IKZF2: variants seen among roughly 807,000 people sequenced by gnomAD.
IKZF2 encodes the protein zinc finger protein Helios.
A neutral mutation model predicts 49.2 loss-of-function variants in IKZF2; 15 were observed. The observed-to-expected ratio is 0.30, with a 90% CI of 0.20 to 0.47. The LOEUF (loss-of-function observed/expected upper bound fraction) is 0.47, where lower values mean the gene tolerates loss of function less well. Ranked by LOEUF, IKZF2 falls within the 20% of genes least tolerant of loss-of-function variation. The pLI, the probability that IKZF2 is intolerant of heterozygous loss-of-function variation, is 1.00. For synonymous variants in IKZF2, 227 were observed against 221.4 expected (o/e 1.03, Z -0.23); for missense variants, 567 against 664.6 (o/e 0.85, Z 1.61).
intron 4 of IKZF2, among the ~76,000 whole-genome samples, chr2:213,106,344 GA>G (rs550245534): frequency 5.8e-4 from 84 of 144,224 alleles, no homozygotes; most frequent in African/African-American, 3.3e-4. Flanking sequence ...CTACTCTTAC[GA>G]AAAAAAAAAA....
intron 6 of IKZF2, among the ~76,000 whole-genome samples, chr2:213,031,919 C>T (rs1365109908): frequency 2.6e-5 from 4 of 152,022 alleles, no homozygotes; most frequent in Non-Finnish European, 5.9e-5. Flanking sequence ...TATTCAAAAA[C>T]CATTTAACCC....
intron 4 of IKZF2, among the ~76,000 whole-genome samples, chr2:213,078,264 T>C (rs1296315044): frequency 1.3e-5 from 2 of 152,246 alleles, no homozygotes; most frequent in Non-Finnish European, 2.9e-5. Context: ...GTTAAAAATG[T>C]ACTTTCTATT....
intron 4 of IKZF2, among the ~76,000 whole-genome samples, chr2:213,098,661 C>G (rs1706291185): frequency 1.3e-5 from 2 of 152,110 alleles, no homozygotes; most frequent in Non-Finnish European, 2.9e-5. Flanking sequence ...AATGAACAGA[C>G]AGCAGGAAAA....
intron 6 of IKZF2, among the ~76,000 whole-genome samples, chr2:213,041,332 C>CT (rs1277955556): frequency 1.7e-5 from 2 of 119,522 alleles, no homozygotes; most frequent in Non-Finnish European, 3.8e-5. Context: ...TGACTGTAAT[C>CT]TTTTTTTGGG....
intron 7 of IKZF2, 82 bp from the exon 8 acceptor site, chr2:213,014,016 A>G: frequency 7.5e-7 from 1 of 1,327,608 alleles, no homozygotes. Context: ...CCATCTCGAT[A>G]TGTGTTATAA....
intron 5 of IKZF2, among the ~76,000 whole-genome samples, chr2:213,053,981 G>A (rs1299612098): frequency 6.6e-6 from 1 of 152,252 alleles, no homozygotes. Flanking sequence ...GGCTGGGCAC[G>A]GTGGCTCACG....
At chr2:213,077,580 C>CTTTTTTTTTTTT (rs58528665) in intron 4 of IKZF2, among the ~76,000 whole-genome samples, 7 of 59,472 alleles carry the variant, frequency 1.2e-4, no homozygotes, top group Non-Finnish European at 1.5e-4. Context: ...ATTCTATGTA[C>CTTTTTTTTTTTT]TTTTTTTTTT....
rs73079203 is a variant in IKZF2 at position 213,133,940 on chromosome 2, C to A, written c.139+13768G>T. Among the ~76,000 whole-genome samples, 20 of 151,832 alleles carry A rather than the reference C, an allele frequency of 1.3e-4. No homozygotes were observed. The South Asian group carries it at 2.1e-3, about 16-fold the overall frequency. On this transcript the variant is annotated intron_variant, in intron 4 of 8. Coordinates refer to ENST00000434687, the MANE Select transcript of IKZF2 (RefSeq NM_001387220.1). ...TTTTTTAAGCAAGTTAAACATATAC[C>A]CTGATCTTTTTATTATTGTTATTTA...
rs755084573 is a variant in IKZF2 at position 213,103,075 on chromosome 2, G to A, written c.139+44633C>T. 6.6e-5 allele frequency among the ~76,000 whole-genome samples: 10 copies of A among 152,122 alleles called. No homozygotes were observed. The South Asian group carries it at 1.2e-3, about 19-fold the overall frequency. Reference sequence around the variant, plus strand: ...ACGTTACTCACATGTTCTAAATACCGTAGAGGGGGCTTAAATATACAACTA... The same window carrying A: ...ACGTTACTCACATGTTCTAAATACCATAGAGGGGGCTTAAATATACAACTA... On this transcript the variant is annotated intron_variant, in intron 4 of 8. Coordinates refer to ENST00000434687, the MANE Select transcript of IKZF2 (RefSeq NM_001387220.1).
intron 7 of IKZF2, among the ~76,000 whole-genome samples, chr2:213,015,655 A>C (rs946403763): frequency 6.6e-6 from 1 of 151,954 alleles, no homozygotes; most frequent in Non-Finnish European, 1.5e-5. Context: ...TTTTGTTTGG[A>C]TGATGGATTT....
At chr2:213,131,293 TG>T (rs1326944388) in intron 4 of IKZF2, among the ~76,000 whole-genome samples, 1 of 152,208 alleles carries the variant, frequency 6.6e-6, no homozygotes, top group African/African-American at 2.4e-5. Flanking sequence ...GGATTCTAAA[TG>T]ATCTTTGAGA....
intron 6 of IKZF2, among the ~76,000 whole-genome samples, chr2:213,034,879 T>C (rs1698853272): frequency 6.6e-6 from 1 of 152,170 alleles, no homozygotes; most frequent in Non-Finnish European, 1.5e-5. Flanking sequence ...TGCAATAAAG[T>C]AAGGCACAAT....
intron 6 of IKZF2, among the ~76,000 whole-genome samples, chr2:213,040,410 C>T (rs1053090522): frequency 6.6e-6 from 1 of 151,882 alleles, no homozygotes; most frequent in South Asian, 2.1e-4. Context: ...TCATTTTTCT[C>T]TTTATAATTT....
At chr2:213,100,237 T>C (rs1303520121) in intron 4 of IKZF2, among the ~76,000 whole-genome samples, 2 of 152,094 alleles carry the variant, frequency 1.3e-5, no homozygotes, top group Non-Finnish European at 1.5e-5. Context: ...TATTACTCTA[T>C]CAAACTTTGG....
At chr2:213,101,765 T>C (rs991320798) in intron 4 of IKZF2, among the ~76,000 whole-genome samples, 1 of 152,188 alleles carries the variant, frequency 6.6e-6, no homozygotes, top group African/African-American at 2.4e-5. Flanking sequence ...TAGTACAGCT[T>C]GTTCCATGTT....
At chr2:213,098,336 A>G (rs969567207) in intron 4 of IKZF2, among the ~76,000 whole-genome samples, 1 of 152,094 alleles carries the variant, frequency 6.6e-6, no homozygotes, top group Admixed American at 6.6e-5. Flanking sequence ...CTTACAAGAA[A>G]ATCTCCTCCT....
At chr2:213,057,156 C>A in intron 4 of IKZF2, 57 bp from the exon 5 acceptor site, 6 of 1,434,280 alleles carry the variant, frequency 4.2e-6, no homozygotes, top group Non-Finnish European at 5.7e-6. Flanking sequence ...TTCTCACCTA[C>A]ATCTCTTTTC....
intron 4 of IKZF2, among the ~76,000 whole-genome samples, chr2:213,141,535 A>ATAT (rs1338507212): frequency 9.2e-5 from 14 of 152,088 alleles, no homozygotes; most frequent in South Asian, 2.1e-4. Flanking sequence ...ATTTCCCAGA[A>ATAT]TATTGCATGC....
rs1575011297 is a variant in IKZF2, at chr2:213,148,626, C to T, written c.4G>A (p.Glu2Lys). Residue 2 changes from glutamate (E) to lysine (K), a missense_variant, in exon 3 of 9, where the codon GAA becomes AAA. Physicochemically the swap from Glu to Lys is moderately conservative, Grantham distance 56. This residue lies in a region of IKZF2 where 156 missense variants were observed against 138.5 expected (regional missense o/e 1.13). Coordinates refer to ENST00000434687, the MANE Select transcript of IKZF2 (RefSeq NM_001387220.1). ...ATATAGCCATCAATAGCCTCTGTTT[C>T]CATAGTCAAAGTGCAATGCTGCAAA... M[E>K]TEAIDGYITC... 1 of 1,611,892 alleles carries T rather than the reference C, an allele frequency of 6.2e-7. No individual in the cohort carries two copies. Among genetic ancestry groups the T allele is most frequent in the East Asian group, 2.2e-5 (1 of 44,826 alleles).
Sources: allele counts gnomAD v4.1 joint callset (sites outside exome capture counted in the v4.1 genomes callset), GRCh38; gene constraint gnomAD v4.1.1; regional missense constraint gnomAD v4.1.1; transcripts MANE v1.5; gene names NCBI Gene and HGNC (gene_info 2026-07-23, HGNC 2026-07-21).